The following HSF1 variants were observed in gnomAD, a reference collection of about 807,000 sequenced individuals.
HSF1 encodes the protein heat shock transcription factor 1.
In HSF1, 32 loss-of-function variants were observed where a neutral mutation model predicts 51.7. That is an observed-to-expected ratio of 0.62 (90% CI 0.47 to 0.83). The LOEUF is 0.83. Ranked by LOEUF, HSF1 falls within the 40% of genes least tolerant of loss-of-function variation. HSF1 has a pLI of 0.00. For synonymous variants in HSF1, 396 were observed against 309.7 expected (o/e 1.28, Z -2.92); for missense variants, 727 against 717.0 (o/e 1.01, Z -0.16).
At chr8:144,309,054 A>C (rs782451932) in intron 2 of HSF1, 40 bp downstream of exon 2, 1 of 1,454,300 alleles carries the variant, frequency 6.9e-7, no homozygotes, top group East Asian at 2.3e-5. Flanking sequence ...TGCGGGAGGC[A>C]GACCTGCAGA....
In HSF1 at chr8:144,307,732, G is replaced by C. The variant is rs1039427489; in HGVS notation, c.118-1174G>C. On this transcript the variant is annotated intron_variant, in intron 1 of 12. Transcript: ENST00000528838. ...GAATCGCTTGAACTGGGATGCAGAG[G>C]CTGCAGTGAGCCATGTTGGTGCTGG... 2.0e-5 allele frequency among the ~76,000 whole-genome samples: 3 copies of C among 152,124 alleles called. No homozygotes were observed. In the East Asian group the frequency reaches 5.8e-4, roughly 29 times the overall value.
chr8:144,305,281 G>A (rs1219571367), intron 1 of HSF1, among the ~76,000 whole-genome samples: 1 of 151,422 alleles, frequency 6.6e-6, no homozygotes, highest in Non-Finnish European at 1.5e-5. Context: ...ACAGGTCTCT[G>A]AGGCTCTGCT....
rs1325649507 is a variant in HSF1 at position 144,314,295 on chromosome 8, G to A, written c.1555G>A (p.Glu519Lys). The A allele has an allele frequency of 1.3e-6, 2 of 1,550,656 alleles. No individual in the cohort carries two copies. The highest frequency in any genetic ancestry group is 1.7e-6 in the Non-Finnish European group (2 of 1,147,174). The change falls in exon 13 of 13, where the codon GAG (glutamate) becomes AAG (lysine). Residue 519 changes from glutamate to lysine, a missense_variant. This residue lies in a region of HSF1 where 470 missense variants were observed against 398.8 expected (regional missense o/e 1.18). Transcript: ENST00000528838. ...DPTISLLTGSEPPKAKDPTVS is the reference protein window; with the variant it reads ...DPTISLLTGSKPPKAKDPTVS ...CACCATCTCCCTGCTGACAGGCTCG[G>A]AGCCTCCCAAAGCCAAGGACCCCAC... is the stretch of plus-strand genomic sequence containing the variant.
chr8:144,314,486 C>T lies in HSF1; in HGVS notation c.*156C>T, dbSNP rs1474069525. 1 of 649,150 alleles carries T rather than the reference C, an allele frequency of 1.5e-6. No individual in the cohort carries two copies. The highest frequency in any genetic ancestry group is 2.7e-6 in the Non-Finnish European group (1 of 375,414). The allele number at this position is 649,150 out of a possible 1,614,324, so 40.2% of individuals were successfully genotyped here. On this transcript the variant is annotated 3_prime_UTR_variant, in exon 13 of 13. Transcript: ENST00000528838. ...CTCGGGTCTGGGCAGCACCTCTGGT[C>T]AGGAGGGTCACCCTGGCCTGCCAGT...
At chr8:144,312,439 C>T (rs940774563) in intron 9 of HSF1, among the ~76,000 whole-genome samples, 195 bp downstream of exon 9, 2 of 152,136 alleles carry the variant, frequency 1.3e-5, no homozygotes, top group Admixed American at 6.5e-5. Flanking sequence ...ACAGAAGCCA[C>T]GGGCATGTCC....
At chr8:144,300,424 A>G (rs147771664) in intron 1 of HSF1, among the ~76,000 whole-genome samples, 1,575 of 151,960 alleles carry the variant, frequency 0.01, 33 homozygotes, top group African/African-American at 0.036. Context: ...TCACCGTGTT[A>G]GCCAGGATGG....
chr8:144,313,890 C>T lies in HSF1; in HGVS notation c.1293C>T (p.Asp431=), dbSNP rs954319355. The change falls in exon 11 of 13, where the codon GAC becomes GAT. Residue 431 remains aspartate (D), a synonymous_variant. Coordinates refer to ENST00000528838, the MANE Select transcript of HSF1 (RefSeq NM_005526.4). ...SVTVPDMSLP[D]LDSSLASIQE... ...CCGTGCCCGACATGAGCCTGCCTGACCTTGACAGCAGCCTGGCCAGTGTGC... is the reference window on the plus strand; with the variant it reads ...CCGTGCCCGACATGAGCCTGCCTGATCTTGACAGCAGCCTGGCCAGTGTGC... The T allele has an allele frequency of 1.9e-6, 3 of 1,608,158 alleles. No individual in the cohort carries two copies. The highest frequency in any genetic ancestry group is 2.7e-5 in the African/African-American group (2 of 73,318).
At chr8:144,301,015 T>C (rs1554842157) in intron 1 of HSF1, among the ~76,000 whole-genome samples, 1 of 152,192 alleles carries the variant, frequency 6.6e-6, no homozygotes, top group African/African-American at 2.4e-5. Flanking sequence ...TCCACAGTGA[T>C]GTACAGGGAG....
At chr8:144,302,096 G>C (rs1815927899) in intron 1 of HSF1, among the ~76,000 whole-genome samples, 1 of 150,756 alleles carries the variant, frequency 6.6e-6, no homozygotes, top group African/African-American at 2.4e-5. Context: ...AACCCAGGAG[G>C]CAGAGGCTGC....
At position 144,309,107 on chromosome 8, in the gene HSF1, C is replaced by A. The variant is rs552401082; in HGVS notation, c.226+93C>A. On this transcript the variant is annotated intron_variant, in intron 2 of 12. Coordinates refer to ENST00000528838, the MANE Select transcript of HSF1 (RefSeq NM_005526.4). ...GAGGACCCTGTGATGAAGGACGGGG[C>A]GTCCTGTGCTGGCCAAGGGCATGGC... 3 of 1,031,016 alleles carry A rather than the reference C, an allele frequency of 2.9e-6. No individual in the cohort carries two copies. In the South Asian group the frequency reaches 3.9e-5, roughly 14 times the overall value. 63.9% of individuals were successfully genotyped at this position (1,031,016 alleles called of 1,614,324 possible).
At chr8:144,309,924 A>C (rs1564620669) in intron 4 of HSF1, 28 bp downstream of exon 4, 1 of 1,533,554 alleles carries the variant, frequency 6.5e-7, no homozygotes, top group Non-Finnish European at 8.8e-7. Flanking sequence ...ATTATGGGCC[A>C]CAGCGGGTCC....
chr8:144,311,654 G>C, intron 7 of HSF1, 46 bp from the exon 8 acceptor site: 1 of 1,611,286 alleles, frequency 6.2e-7, no homozygotes, highest in African/African-American at 1.3e-5. Context: ...CAGTGGGGTG[G>C]GTTGCCCCTG....
chr8:144,300,363 C>A (rs1386086563), intron 1 of HSF1, among the ~76,000 whole-genome samples: 1 of 152,046 alleles, frequency 6.6e-6, no homozygotes, highest in Non-Finnish European at 1.5e-5. Context: ...ACTACAGGCA[C>A]CCGCCACCTC....
Position 144,297,921 on chromosome 8 carries a change from A to G in HSF1, c.117+6047A>G, listed in dbSNP as rs1815578693. ...TATGTAAGGTGTCCCTACAGGCAGG[A>G]TCTCACACACATTTCAGGTCCTTCA... On this transcript the variant is annotated intron_variant, in intron 1 of 12. Transcript: ENST00000528838. This position sits in a 1 kb window ranked among gnomAD's most constrained non-coding sequence, Gnocchi z 4.6. Among the ~76,000 whole-genome samples, 1 of 152,196 alleles carries G rather than the reference A, an allele frequency of 6.6e-6. No individual in the cohort carries two copies. Among genetic ancestry groups the G allele is most frequent in the Non-Finnish European group, 1.5e-5 (1 of 68,040 alleles).
At position 144,314,592 on chromosome 8, in the gene HSF1, A is replaced by T. The variant is rs1270131527; in HGVS notation, c.*262A>T. On this transcript the variant is annotated 3_prime_UTR_variant, in exon 13 of 13. Transcript: ENST00000528838. ...TGGACTGACCCTGCAGGTTGTTCAT[A>T]GTCAGAATTGTATTTTGGATTTTTA... 7 of 541,550 alleles carry T rather than the reference A, an allele frequency of 1.3e-5. No individual in the cohort carries two copies. The highest frequency in any genetic ancestry group is 2.3e-5 in the Non-Finnish European group (7 of 301,700). 33.5% of individuals were successfully genotyped at this position (541,550 alleles called of 1,614,324 possible).
intron 9 of HSF1, chr8:144,313,067 A>G (rs3757976): frequency 0.53 from 218,500 of 413,800 alleles, 58,760 homozygotes; most frequent in Admixed American, 0.67. Flanking sequence ...CCTGTGGCCT[A>G]GGGCTTTCTT....
chr8:144,294,070 C>T (rs1198152538), intron 1 of HSF1, among the ~76,000 whole-genome samples: 1 of 152,008 alleles, frequency 6.6e-6, no homozygotes, highest in Non-Finnish European at 1.5e-5. Flanking sequence ...GGGGAGCCAA[C>T]TGGAATGTGA....
At chr8:144,309,938 C>T (rs368935935) in intron 4 of HSF1, 42 bp downstream of exon 4, 81 of 1,593,212 alleles carry the variant, frequency 5.1e-5, no homozygotes, top group Non-Finnish European at 6.4e-5. Flanking sequence ...CGGGTCCTGG[C>T]GCCCACCAAG....
intron 1 of HSF1, among the ~76,000 whole-genome samples, chr8:144,296,046 T>A (rs553475787): frequency 1.3e-5 from 2 of 152,066 alleles, no homozygotes; most frequent in African/African-American, 4.8e-5. Flanking sequence ...GAGCTGGAGG[T>A]CACCAAGGCC....
Sources: allele counts gnomAD v4.1 joint callset (sites outside exome capture counted in the v4.1 genomes callset), GRCh38; gene constraint gnomAD v4.1.1; regional missense constraint gnomAD v4.1.1; non-coding constraint Gnocchi (gnomAD v3.1); transcripts MANE v1.5; gene names NCBI Gene and HGNC (gene_info 2026-07-23, HGNC 2026-07-21).